Variants in RBFOX1 observed in about 807,000 individuals in gnomAD.
RBFOX1 encodes the protein RNA binding fox-1 homolog 1.
In RBFOX1, 8 loss-of-function variants were observed where a neutral mutation model predicts 57.7. The observed-to-expected ratio is 0.14, with a 90% CI of 0.08 to 0.25. RBFOX1 has a LOEUF of 0.25. Among genes scored for constraint, RBFOX1 ranks in the 10% least tolerant of loss-of-function variants. The probability of loss-of-function intolerance (pLI) is 1.00; values close to 1 mark genes in which losing one functional copy is unlikely to be tolerated. For missense variants in RBFOX1, 611 were observed against 548.5 expected (o/e 1.11, Z -1.14); for synonymous variants, 326 against 222.4 (o/e 1.47, Z -4.15).
chr16:6,576,352 C>T (rs1418256291), intron 2 of RBFOX1, among the ~76,000 whole-genome samples: 1 of 152,136 alleles, frequency 6.6e-6, no homozygotes, highest in African/African-American at 2.4e-5. Flanking sequence ...TGGGAGGAAA[C>T]CGGAGTACCC....
At chr16:6,735,922 C>T (rs1243827251) in intron 3 of RBFOX1, among the ~76,000 whole-genome samples, 4 of 67,032 alleles carry the variant, frequency 6.0e-5, no homozygotes, top group Non-Finnish European at 1.7e-4. Flanking sequence ...TTTTTGTCGC[C>T]ATTTTTTTTT....
chr16:6,928,531 C>T (rs916993459), intron 3 of RBFOX1, among the ~76,000 whole-genome samples: 5 of 152,038 alleles, frequency 3.3e-5, no homozygotes, highest in East Asian at 1.9e-4. Context: ...CTTCTCTAAT[C>T]GTTTTATCCA....
chr16:5,794,129 C>A (rs552977471), intron 3 of RBFOX1, among the ~76,000 whole-genome samples: 1 of 152,178 alleles, frequency 6.6e-6, no homozygotes, highest in African/African-American at 2.4e-5. Context: ...ATGATTTAAT[C>A]TCTTGGGGCT....
At chr16:7,222,774 A>T (rs555891312) in intron 4 of RBFOX1, among the ~76,000 whole-genome samples, 31 of 152,332 alleles carry the variant, frequency 2.0e-4, no homozygotes, top group African/African-American at 6.3e-4. Flanking sequence ...GGTAAGCAGG[A>T]ACCAGTGCCA....
intron 3 of RBFOX1, among the ~76,000 whole-genome samples, chr16:5,716,218 A>T (rs1238429692): frequency 2.0e-5 from 3 of 152,240 alleles, no homozygotes; most frequent in East Asian, 3.9e-4. Context: ...CGTGAAAGTA[A>T]TTTTTTTCCA....
chr16:5,818,589 G>A (rs950171875), intron 3 of RBFOX1, among the ~76,000 whole-genome samples: 1 of 152,140 alleles, frequency 6.6e-6, no homozygotes, highest in Non-Finnish European at 1.5e-5. Context: ...AGCATTTTTT[G>A]AACAATATTT....
chr16:6,151,902 C>A (rs80339069), intron 1 of RBFOX1, among the ~76,000 whole-genome samples: 1 of 152,132 alleles, frequency 6.6e-6, no homozygotes, highest in African/African-American at 2.4e-5. Context: ...AAGAGCATTA[C>A]TAAGATGGTA....
At chr16:5,935,773 G>T (rs1777313146) in intron 4 of RBFOX1, among the ~76,000 whole-genome samples, 1 of 152,210 alleles carries the variant, frequency 6.6e-6, no homozygotes, top group African/African-American at 2.4e-5. Context: ...GCAGGGCCAG[G>T]TTTCAAATTC....
intron 3 of RBFOX1, among the ~76,000 whole-genome samples, chr16:6,844,355 C>T (rs2093648272): frequency 6.6e-6 from 1 of 152,098 alleles, no homozygotes; most frequent in African/African-American, 2.4e-5. Flanking sequence ...CTCTTTCCTT[C>T]CCCTCAGCAG....
At chr16:6,384,600 G>A (rs2092110958) in intron 2 of RBFOX1, among the ~76,000 whole-genome samples, 1 of 152,186 alleles carries the variant, frequency 6.6e-6, no homozygotes, top group African/African-American at 2.4e-5. Context: ...CAGGGCTTTG[G>A]AGGTCATCTA....
intron 2 of RBFOX1, among the ~76,000 whole-genome samples, chr16:5,550,142 G>A (rs1014411915): frequency 4.1e-4 from 62 of 152,316 alleles, no homozygotes; most frequent in African/African-American, 1.4e-3. Flanking sequence ...TTCCAAACAA[G>A]CATCACTGCA....
intron 3 of RBFOX1, among the ~76,000 whole-genome samples, chr16:5,688,099 A>G (rs1336533707): frequency 6.6e-6 from 1 of 152,208 alleles, no homozygotes; most frequent in Non-Finnish European, 1.5e-5. Flanking sequence ...TGTGAAAAGT[A>G]TTTCAATTTA....
At chr16:5,491,834 A>G (rs2042840575) in intron 2 of RBFOX1, among the ~76,000 whole-genome samples, 1 of 152,204 alleles carries the variant, frequency 6.6e-6, no homozygotes, top group Non-Finnish European at 1.5e-5. Context: ...AGAATTACCC[A>G]GGGAGCTTTA....
chr16:7,056,620 C>T (rs758456426), intron 4 of RBFOX1, among the ~76,000 whole-genome samples: 3 of 152,194 alleles, frequency 2.0e-5, no homozygotes, highest in African/African-American at 4.8e-5. Context: ...CCTGAACTAT[C>T]TACCAGTTGA....
chr16:6,908,363 A>C (rs1050879456), intron 3 of RBFOX1, among the ~76,000 whole-genome samples: 1 of 146,406 alleles, frequency 6.8e-6, no homozygotes, highest in Non-Finnish European at 1.6e-5. Flanking sequence ...GCACCCTTCT[A>C]ACCCCGATGT....
chr16:5,905,716 C>G (rs2058440889), intron 4 of RBFOX1, among the ~76,000 whole-genome samples: 1 of 152,118 alleles, frequency 6.6e-6, no homozygotes, highest in Non-Finnish European at 1.5e-5. Context: ...AGGGAGAAGA[C>G]AGCATCTAGA....
chr16:6,297,488 C>A (rs1455164925), intron 1 of RBFOX1, among the ~76,000 whole-genome samples: 1 of 152,022 alleles, frequency 6.6e-6, no homozygotes, highest in African/African-American at 2.4e-5. Flanking sequence ...TTATAAAATG[C>A]CTGTGAATGC....
Position 7,338,708 on chromosome 16 carries a change from C to T in RBFOX1, c.28-179439C>T, listed in dbSNP as rs75059941. On this transcript the variant is annotated intron_variant, in intron 4 of 15. Transcript: ENST00000550418. ...TACATACCTATATGTAGTAACAATG[C>T]AAATTATAGAAACATCGGCCTTAAC... 9.3e-3 allele frequency among the ~76,000 whole-genome samples: 1,413 copies of T among 152,240 alleles called. 60 individuals carry two copies. In the East Asian group the frequency reaches 0.12, roughly 13 times the overall value.
At chr16:5,897,876 T>C (rs1350264392) in intron 4 of RBFOX1, among the ~76,000 whole-genome samples, 1 of 151,796 alleles carries the variant, frequency 6.6e-6, no homozygotes, top group Non-Finnish European at 1.5e-5. Context: ...CTCTGAAATA[T>C]TACATGTTTG....
Sources: allele counts gnomAD v4.1 joint callset (sites outside exome capture counted in the v4.1 genomes callset), GRCh38; gene constraint gnomAD v4.1.1; transcripts MANE v1.5; gene names NCBI Gene and HGNC (gene_info 2026-07-23, HGNC 2026-07-21).